KCNMA1: variants seen among roughly 807,000 people sequenced by gnomAD.
KCNMA1 encodes the protein Calcium-activated potassium channel subunit alpha-1.
Under a neutral mutation model 140.0 loss-of-function variants are expected in KCNMA1, and 29 were observed. That is an observed-to-expected ratio of 0.21 (90% CI 0.15 to 0.28). The LOEUF is 0.28. KCNMA1 is among the 10% of genes least tolerant of loss of function. The probability of loss-of-function intolerance (pLI) is 1.00; values close to 1 mark genes in which losing one functional copy is unlikely to be tolerated. For missense variants in KCNMA1, 880 were observed against 1,602.2 expected (o/e 0.55, Z 7.70); for synonymous variants, 612 against 611.9 (o/e 1.00, Z 0.00).
chr10:77,260,227 G>A (rs551547904), intron 2 of KCNMA1, among the ~76,000 whole-genome samples: 52 of 152,330 alleles, frequency 3.4e-4, no homozygotes, highest in African/African-American at 1.2e-3. Flanking sequence ...GGGATGGGGG[G>A]AGCTGAGGTT....
At chr10:76,965,194 G>A (rs543183883) in intron 20 of KCNMA1, among the ~76,000 whole-genome samples, 2 of 152,188 alleles carry the variant, frequency 1.3e-5, no homozygotes, top group African/African-American at 2.4e-5. Context: ...ATTGGGCCAC[G>A]GGTGCTTGAT....
chr10:76,930,493 G>A (rs2058996795), intron 23 of KCNMA1, among the ~76,000 whole-genome samples: 1 of 152,192 alleles, frequency 6.6e-6, no homozygotes, highest in South Asian at 2.1e-4. Context: ...TGAGGTTGGA[G>A]AGAAAAGTGA....
At chr10:77,284,836 T>C (rs2070162495) in intron 2 of KCNMA1, among the ~76,000 whole-genome samples, 1 of 152,134 alleles carries the variant, frequency 6.6e-6, no homozygotes, top group South Asian at 2.1e-4. Context: ...GCTGAAAATA[T>C]TGAGCTAAAT....
At chr10:77,140,282 G>C (rs1423377306) in intron 5 of KCNMA1, 3 of 152,730 alleles carry the variant, frequency 2.0e-5, no homozygotes, top group Non-Finnish European at 4.4e-5. Flanking sequence ...CCATGGACGG[G>C]TGAGTCCTTA....
intron 20 of KCNMA1, 87 bp from the exon 21 acceptor site, chr10:76,954,011 G>A: frequency 7.0e-7 from 1 of 1,420,198 alleles, no homozygotes; most frequent in Non-Finnish European, 9.8e-7. Flanking sequence ...CTCAGAGGAT[G>A]TGAAAGATGC....
At chr10:77,082,005 TTC>T (rs55972297) in intron 12 of KCNMA1, among the ~76,000 whole-genome samples, 4,401 of 37,828 alleles carry the variant, frequency 0.12, 836 homozygotes, top group Non-Finnish European at 0.18. Flanking sequence ...TTTTTTTCTT[TTC>T]TTTTTTTTTT....
intron 1 of KCNMA1, among the ~76,000 whole-genome samples, chr10:77,518,018 G>C (rs905020570): frequency 1.3e-5 from 2 of 152,248 alleles, no homozygotes; most frequent in Non-Finnish European, 1.5e-5. Flanking sequence ...AGCCAGCCTC[G>C]TTCCCTCCCC....
chr10:77,226,511 A>G (rs969468278), intron 3 of KCNMA1, among the ~76,000 whole-genome samples: 7 of 151,938 alleles, frequency 4.6e-5, no homozygotes, highest in African/African-American at 1.7e-4. Flanking sequence ...TGAGACAGCC[A>G]CGAGAAGGCC....
chr10:77,532,279 C>A (rs188626296), intron 1 of KCNMA1, among the ~76,000 whole-genome samples: 1 of 152,322 alleles, frequency 6.6e-6, no homozygotes, highest in Non-Finnish European at 1.5e-5. Flanking sequence ...TGTGCTAACA[C>A]GTCATTTGAC....
chr10:77,325,963 C>T (rs1388235177), intron 2 of KCNMA1, among the ~76,000 whole-genome samples: 1 of 152,150 alleles, frequency 6.6e-6, no homozygotes, highest in Non-Finnish European at 1.5e-5. Flanking sequence ...ACCCTTTGCC[C>T]AACCCTTATT....
chr10:77,304,034 CAT>C lies in KCNMA1; in HGVS notation c.541-52780_541-52779del, dbSNP rs757473789. ...TGCCTTGACCCAAAAGGGTAACAAA[CAT>C]GGATACTGCAGGCCAACACGAAGGA... On this transcript the variant is annotated intron_variant, in intron 2 of 27. Coordinates refer to ENST00000286628, the MANE Select transcript of KCNMA1 (RefSeq NM_001161352.2). Among the ~76,000 whole-genome samples, 36 of 152,294 alleles carry C rather than the reference CAT, an allele frequency of 2.4e-4. 1 individual carries two copies. In the East Asian group the frequency reaches 3.7e-3, roughly 16 times the overall value.
At chr10:77,127,269 T>C (rs1489998474) in intron 5 of KCNMA1, among the ~76,000 whole-genome samples, 1 of 152,030 alleles carries the variant, frequency 6.6e-6, no homozygotes, top group Non-Finnish European at 1.5e-5. Context: ...AAAAAATACG[T>C]ACACAGAAGA....
intron 1 of KCNMA1, among the ~76,000 whole-genome samples, chr10:77,520,306 G>A (rs375332994): frequency 1.5e-5 from 2 of 135,880 alleles, no homozygotes; most frequent in Admixed American, 7.6e-5. Flanking sequence ...GTGTGAGGGT[G>A]TGCAGTGTGA....
intron 1 of KCNMA1, among the ~76,000 whole-genome samples, chr10:77,515,730 C>T (rs1304053628): frequency 6.7e-6 from 1 of 148,916 alleles, no homozygotes; most frequent in East Asian, 2.0e-4. Context: ...CTCTGCCTCC[C>T]CACCCAGGGC....
At chr10:77,240,193 C>T (rs1273446359) in intron 3 of KCNMA1, among the ~76,000 whole-genome samples, 1 of 152,142 alleles carries the variant, frequency 6.6e-6, no homozygotes, top group Non-Finnish European at 1.5e-5. Context: ...GTTTTAAAAG[C>T]TCTTGCAGTT....
At chr10:77,330,106 G>C (rs1441073385) in intron 2 of KCNMA1, among the ~76,000 whole-genome samples, 2 of 152,078 alleles carry the variant, frequency 1.3e-5, no homozygotes, top group Non-Finnish European at 2.9e-5. Context: ...TCTATCCTCT[G>C]CCTGAGAAAA....
At chr10:77,636,634 C>T in intron 1 of KCNMA1, 3 of 1,535,978 alleles carry the variant, frequency 2.0e-6, no homozygotes, top group Non-Finnish European at 2.6e-6. Flanking sequence ...AGTGGCAGCC[C>T]CGTGGGCTAC....
chr10:76,967,431 A>C (rs1249839164), intron 20 of KCNMA1, among the ~76,000 whole-genome samples: 1 of 152,198 alleles, frequency 6.6e-6, no homozygotes, highest in Non-Finnish European at 1.5e-5. Context: ...CTGCCAATCA[A>C]CAAAGGGGGT....
At chr10:77,627,871 G>A (rs985888562) in intron 1 of KCNMA1, among the ~76,000 whole-genome samples, 2 of 152,240 alleles carry the variant, frequency 1.3e-5, no homozygotes, top group African/African-American at 4.8e-5. Context: ...ATCGCACAGG[G>A]CCTGAGGCCC....
Sources: gnomAD v4.1 joint callset for allele counts (sites outside exome capture counted in the v4.1 genomes callset) on GRCh38, gnomAD v4.1.1 for gene constraint, MANE v1.5 for transcripts, NCBI Gene and HGNC (gene_info 2026-07-23, HGNC 2026-07-21) for gene names.